Variants in NRK observed in about 807,000 individuals in gnomAD.
NRK encodes the protein nik-related protein kinase.
Under a neutral mutation model 125.2 loss-of-function variants are expected in NRK, and 67 were observed. The ratio of observed to expected loss-of-function variants is 0.54; its 90% CI spans 0.44 to 0.66. NRK has a LOEUF of 0.66. Ranked by LOEUF, NRK falls within the 30% of genes least tolerant of loss-of-function variation. NRK has a pLI of 0.00. For synonymous variants in NRK, 458 were observed against 429.0 expected (o/e 1.07, Z -0.84); for missense variants, 1,224 against 1,192.9 (o/e 1.03, Z -0.38).
chrX:105,822,987 A>C, intron 1 of NRK, 85 bp downstream of exon 1: 1 of 881,725 alleles, frequency 1.1e-6, no homozygotes, highest in Non-Finnish European at 1.6e-6. Context: ...ACGCCCTCAA[A>C]ACGGGCTAGA....
At chrX:105,870,191 T>C (rs2039726237) in intron 2 of NRK, among the ~76,000 whole-genome samples, 1 of 111,841 alleles carries the variant, frequency 8.9e-6, no homozygotes, top group South Asian at 3.7e-4. Flanking sequence ...GAGAATGTCA[T>C]TGTGGGGAAG....
intron 16 of NRK, among the ~76,000 whole-genome samples, chrX:105,920,375 G>A (rs1448293497): frequency 5.8e-5 from 6 of 104,168 alleles, no homozygotes; most frequent in Admixed American, 1.0e-4. Context: ...TTGGCGATGC[G>A]GGCTCTTTTT....
chrX:105,928,251 C>T (rs1186486748), intron 19 of NRK, among the ~76,000 whole-genome samples: 2 of 111,103 alleles, frequency 1.8e-5, no homozygotes. Context: ...TTCTCCATTT[C>T]CTCTAGATTT....
chrX:105,882,241 C>G (rs2039892479), intron 4 of NRK, among the ~76,000 whole-genome samples: 1 of 109,252 alleles, frequency 9.2e-6, no homozygotes, highest in South Asian at 4.0e-4. Flanking sequence ...TGAGGAATGC[C>G]CCACGTGCCC....
intron 1 of NRK, among the ~76,000 whole-genome samples, chrX:105,825,830 A>G (rs2039084900): frequency 9.1e-6 from 1 of 110,115 alleles, no homozygotes; most frequent in Non-Finnish European, 1.9e-5. Flanking sequence ...GGTTACTGTA[A>G]TTTTCTGATT....
chrX:105,866,791 A>G (rs1219158370), intron 2 of NRK, among the ~76,000 whole-genome samples: 1 of 112,485 alleles, frequency 8.9e-6, no homozygotes, highest in Non-Finnish European at 1.9e-5. Flanking sequence ...AGATTAAACA[A>G]ATAGCATAAT....
rs35334892 is a variant in NRK at position 105,923,419 on chromosome X, A to G, written c.2912A>G (p.Asp971Gly). Reference sequence around the variant, plus strand: ...AATGATGTTTGTAAAGACCATGATGATGACAACAATAAGTTTGTTGATGAT... The same window carrying G: ...AATGATGTTTGTAAAGACCATGATGGTGACAACAATAAGTTTGTTGATGAT... ...QANDVCKDHD[D>G]DNNKFVDDVN... is the part of the protein sequence containing the mutation. Residue 971 changes from aspartate to glycine, a missense_variant, in exon 18 of 29, where the codon GAT becomes GGT. Transcript: ENST00000243300. 5,301 of 1,140,773 alleles carry G rather than the reference A, an allele frequency of 4.6e-3. 14 individuals are homozygous for G. The highest frequency in any genetic ancestry group is 8.6e-3 in the Middle Eastern group (36 of 4,200). The allele number at this position is 1,140,773 out of a possible 1,213,427, so 94.0% of individuals were successfully genotyped here.
chrX:105,905,528 A>C (rs779876628), intron 10 of NRK, among the ~76,000 whole-genome samples, 185 bp downstream of exon 10: 1 of 112,922 alleles, frequency 8.9e-6, no homozygotes, highest in East Asian at 2.8e-4. Flanking sequence ...AGCCAACTAT[A>C]AATAAGTAAT....
chrX:105,842,197 A>G (rs2039338914), intron 2 of NRK, among the ~76,000 whole-genome samples: 1 of 111,482 alleles, frequency 9.0e-6, no homozygotes, highest in African/African-American at 3.3e-5. Flanking sequence ...TGTCTCTCCA[A>G]CATATTTGTT....
Position 105,908,917 on chromosome X carries a change from C to A in NRK, c.1276C>A (p.Pro426Thr). The A allele has an allele frequency of 8.3e-7, 1 of 1,211,035 alleles. No homozygotes were observed. Among genetic ancestry groups the A allele is most frequent in the Non-Finnish European group, 1.1e-6 (1 of 895,034 alleles). The part of the protein sequence containing the change: ...FMPLQALDSA[P>T]KPLKGQAQAP... ...GCCACTGCAGGCTCTGGACAGTGCA[C>A]CTAAGCCTCTAAAGGGGCAGGCTCA... is the stretch of plus-strand genomic sequence containing the variant. Residue 426 changes from proline (P) to threonine (T), a missense_variant, in exon 13 of 29, where the codon CCT becomes ACT. Physicochemically the swap from Pro to Thr is conservative, Grantham distance 38. Transcript: ENST00000243300.
At chrX:105,872,922 A>G (rs902640163) in intron 2 of NRK, among the ~76,000 whole-genome samples, 2 of 110,780 alleles carry the variant, frequency 1.8e-5, no homozygotes, top group African/African-American at 6.6e-5. Context: ...GCTGTTTACA[A>G]TCGCATTCTC....
intron 1 of NRK, among the ~76,000 whole-genome samples, chrX:105,828,267 T>A (rs1014484815): frequency 8.9e-6 from 1 of 112,178 alleles, no homozygotes; most frequent in Admixed American, 9.5e-5. Flanking sequence ...TAAAATGTTC[T>A]TTTATTAAAC....
chrX:105,869,714 G>C (rs942166143), intron 2 of NRK, among the ~76,000 whole-genome samples: 1 of 110,815 alleles, frequency 9.0e-6, no homozygotes, highest in African/African-American at 3.4e-5. Context: ...CATTTTGACT[G>C]TGTAGATTTT....
At chrX:105,826,060 A>C (rs180908821) in intron 1 of NRK, among the ~76,000 whole-genome samples, 3,986 of 96,645 alleles carry the variant, frequency 0.041, 95 homozygotes, top group South Asian at 0.067. Context: ...CTCTCTCTAT[A>C]TATATATATA....
chrX:105,940,656 G>A (rs2040727170), intron 23 of NRK, among the ~76,000 whole-genome samples: 1 of 111,567 alleles, frequency 9.0e-6, no homozygotes, highest in Admixed American at 9.6e-5. Flanking sequence ...CACTGTGAAA[G>A]GATGTAACAA....
intron 2 of NRK, among the ~76,000 whole-genome samples, chrX:105,874,201 C>T (rs1338170200): frequency 3.6e-5 from 4 of 111,535 alleles, no homozygotes; most frequent in Admixed American, 9.6e-5. Context: ...ACATCTATCT[C>T]GTAGATCTGC....
At position 105,922,081 on chromosome X, in the gene NRK, C is replaced by G. The variant is rs761813968; in HGVS notation, c.2610+20C>G. The G allele has an allele frequency of 1.3e-6, 1 of 749,571 alleles. No homozygotes were observed. Among genetic ancestry groups the G allele is most frequent in the African/African-American group, 2.1e-5 (1 of 47,774 alleles). 61.8% of individuals were successfully genotyped at this position (749,571 alleles called of 1,213,427 possible). On this transcript the variant is annotated intron_variant, in intron 17 of 28. Transcript: ENST00000243300. ...ATCCATGTAAGTTTCCATCTTAACA[C>G]ATTAATGTCTATTATTTTTTATTTT...
Position 105,923,891 on chromosome X carries a change from C to CTATATATATATATA in NRK, c.2975+431_2975+444dup, listed in dbSNP as rs1204761152. 8.6e-4 allele frequency among the ~76,000 whole-genome samples: 41 copies of CTATATATATATATA among 47,829 alleles called. 1 individual carries two copies. The highest frequency in any genetic ancestry group is 1.3e-3 in the East Asian group (2 of 1,571). 41.5% of individuals were successfully genotyped at this position (47,829 alleles called of 115,157 possible). A position where few individuals can be genotyped will look rare whatever the true frequency, so the allele number is the denominator to read the frequency against. On this transcript the variant is annotated intron_variant, in intron 18 of 28. Coordinates refer to ENST00000243300, the MANE Select transcript of NRK (RefSeq NM_198465.4). The stretch of plus-strand genomic sequence containing the variant: ...CATTTCTCAAACTTTTGTGATATCA[C>CTATATATATATATA]TATATATATATATATATATATATAT...
chrX:105,831,794 C>A (rs760469628), intron 2 of NRK, among the ~76,000 whole-genome samples: 1 of 111,459 alleles, frequency 9.0e-6, no homozygotes, highest in South Asian at 3.7e-4. Flanking sequence ...CTGTATACTT[C>A]TGTATCTGTG....
Sources: allele counts gnomAD v4.1 joint callset (sites outside exome capture counted in the v4.1 genomes callset), GRCh38; gene constraint gnomAD v4.1.1; transcripts MANE v1.5; gene names NCBI Gene and HGNC (gene_info 2026-07-23, HGNC 2026-07-21).